The following NLRP2 variants were observed in gnomAD, a reference collection of about 807,000 sequenced individuals.
NLRP2 encodes NLR family pyrin domain containing 2.
Under a neutral mutation model 97.2 loss-of-function variants are expected in NLRP2, and 107 were observed. The observed-to-expected ratio is 1.10, with a 90% CI of 0.94 to 1.29. NLRP2 has a LOEUF of 1.29. Among genes scored for constraint, NLRP2 ranks in the 50% most tolerant of loss-of-function variants. NLRP2 has a pLI of 0.00. For synonymous variants in NLRP2, 663 were observed against 551.5 expected (o/e 1.20, Z -2.83); for missense variants, 1,495 against 1,330.3 (o/e 1.12, Z -1.93).
Position 54,983,715 on chromosome 19 carries a change from G to A in NLRP2, c.2017G>A (p.Ala673Thr), listed in dbSNP as rs148404367. ...PENVTASESD[A>T]EVERSQDDQH... The stretch of plus-strand genomic sequence containing the variant: ...GAATGTCACTGCGTCTGAATCAGAC[G>A]CCGAGGTTGAGAGGTGAGAACCGTT... The change falls in exon 6 of 13, where the codon GCC becomes ACC. Residue 673 changes from alanine (A) to threonine (T), a missense_variant. Physicochemically the swap from Ala to Thr is moderately conservative, Grantham distance 58. Coordinates refer to ENST00000448584, the MANE Select transcript of NLRP2 (RefSeq NM_017852.5). 8.6e-5 allele frequency: 138 copies of A among 1,611,524 alleles called. No individual in the cohort carries two copies. Among genetic ancestry groups the A allele is most frequent in the Non-Finnish European group, 1.1e-4 (134 of 1,179,938 alleles).
Position 54,982,149 on chromosome 19 carries a change from A to T in NLRP2, c.464-13A>T. 6.2e-7 allele frequency: 1 copy of T among 1,613,812 alleles called. No individual in the cohort carries two copies. The highest frequency in any genetic ancestry group is 8.5e-7 in the Non-Finnish European group (1 of 1,179,982). On this transcript the variant is annotated splice_polypyrimidine_tract_variant and intron_variant, in intron 5 of 12. Coordinates refer to ENST00000448584, the MANE Select transcript of NLRP2 (RefSeq NM_017852.5). ...TGCATCCTCTCTCCCTTCCCTCCTC[A>T]CCAATGATAAAGACAAAGACAATAG...
intron 12 of NLRP2, among the ~76,000 whole-genome samples, chr19:55,000,480 G>A (rs538286794): frequency 3.3e-4 from 50 of 150,278 alleles, no homozygotes; most frequent in South Asian, 6.4e-4. Context: ...GGGTTTCACC[G>A]TGTTAGCCAG....
chr19:54,986,013 A>AG, intron 7 of NLRP2, 138 bp from the exon 8 acceptor site: 1 of 710,086 alleles, frequency 1.4e-6, no homozygotes, highest in East Asian at 2.7e-5. Flanking sequence ...AAGAAAAAAA[A>AG]AATCTGTAAA....
At chr19:54,966,126 ACT>A (rs1193516965), upstream of NLRP2, 1 of 151,306 alleles carries the variant, frequency 6.6e-6, no homozygotes, top group Non-Finnish European at 1.5e-5. Context: ...GTTATCTGGG[ACT>A]CTCGAAAGAA....
intron 6 of NLRP2, among the ~76,000 whole-genome samples, chr19:54,984,483 A>ATTTTTTTTTTTTTTTTTTTTTT (rs1568505832): frequency 6.5e-5 from 3 of 46,182 alleles, no homozygotes; most frequent in African/African-American, 1.9e-4. Flanking sequence ...TATATTCCCA[A>ATTTTTTTTTTTTTTTTTTTTTT]TCTTTTTTTT....
rs769319146 is a variant in NLRP2 at position 54,994,257 on chromosome 19, GT to G, written c.2709-10del. 6.2e-7 allele frequency: 1 copy of G among 1,614,048 alleles called. No homozygotes were observed. Among genetic ancestry groups the G allele is most frequent in the African/African-American group, 1.3e-5 (1 of 75,040 alleles). On this transcript the variant is annotated splice_polypyrimidine_tract_variant and intron_variant, in intron 10 of 12. Coordinates refer to ENST00000448584, the MANE Select transcript of NLRP2 (RefSeq NM_017852.5). ...GGTTCGGGTTTGCTTTCTTCCTGTG[GT>G]TGATTTCTAGGCTTTGGAACTGCGA...
chr19:54,982,640 G>T lies in NLRP2; in HGVS notation c.942G>T (p.Val314=). 3 of 1,614,180 alleles carry T rather than the reference G, an allele frequency of 1.9e-6. No homozygotes were observed. Among genetic ancestry groups the T allele is most frequent in the Non-Finnish European group, 2.5e-6 (3 of 1,180,032 alleles). The change falls in exon 6 of 13, where the codon GTG becomes GTT. Residue 314 remains valine, a synonymous_variant. Coordinates refer to ENST00000448584, the MANE Select transcript of NLRP2 (RefSeq NM_017852.5). ...ICGDWEKKKP[V]PVLLGSLLNR... is the part of the protein sequence containing the mutation. ...GGGACTGGGAGAAGAAGAAGCCGGTGCCCGTCCTCCTGGGGAGTTTGCTGA... is the reference window on the plus strand; with the variant it reads ...GGGACTGGGAGAAGAAGAAGCCGGTTCCCGTCCTCCTGGGGAGTTTGCTGA...
chr19:54,969,450 C>T (rs2070701555), intron 1 of NLRP2, among the ~76,000 whole-genome samples: 1 of 145,422 alleles, frequency 6.9e-6, no homozygotes, highest in African/African-American at 2.6e-5. Flanking sequence ...TGCACTCCAG[C>T]CAGGGTGACA....
rs555904875 is a variant in NLRP2, at chr19:54,981,517, T to TCCCCCCCC, written c.398-93_398-92insCCCCCCCC. 139 of 286,846 alleles carry TCCCCCCCC rather than the reference T, an allele frequency of 4.8e-4. 8 individuals carry two copies. The highest frequency in any genetic ancestry group is 8.9e-4 in the South Asian group (35 of 39,548). 17.8% of individuals were successfully genotyped at this position (286,846 alleles called of 1,614,324 possible). A position where few individuals can be genotyped will look rare whatever the true frequency, so the allele number is the denominator to read the frequency against. ...GCTTTATCTGATCCCGTGCCCCCCCTCCCCCCCGCCCCATCAGCCTGCCTC... is the reference window on the plus strand; with the variant it reads ...GCTTTATCTGATCCCGTGCCCCCCCTCCCCCCCCCCCCCCCGCCCCATCAGCCTGCCTC... On this transcript the variant is annotated intron_variant, in intron 4 of 12. Coordinates refer to ENST00000448584, the MANE Select transcript of NLRP2 (RefSeq NM_017852.5).
At chr19:54,987,177 T>C (rs2146479820) in intron 8 of NLRP2, among the ~76,000 whole-genome samples, 1 of 128,772 alleles carries the variant, frequency 7.8e-6, no homozygotes, top group East Asian at 2.6e-4. Context: ...AAGTGAGGCA[T>C]GAGCCACCGT....
At chr19:54,975,270 G>GCCCA (rs1225188247) in intron 3 of NLRP2, among the ~76,000 whole-genome samples, 6,949 of 135,188 alleles carry the variant, frequency 0.051, 357 homozygotes, top group East Asian at 0.17. Context: ...ACAGGCACTT[G>GCCCA]CCACCATGCC....
intron 1 of NLRP2, 42 bp from the exon 2 acceptor site, chr19:54,969,957 A>T: frequency 6.3e-7 from 1 of 1,588,180 alleles, no homozygotes. Context: ...CAGGAGTGCT[A>T]ATCACCATCC....
intron 2 of NLRP2, 69 bp downstream of exon 2, chr19:54,970,364 C>T: frequency 1.3e-6 from 2 of 1,586,950 alleles, no homozygotes; most frequent in Non-Finnish European, 1.7e-6. Flanking sequence ...TTTAGAAATT[C>T]AGAAGGCCAG....
rs532892505 is a variant in NLRP2, at chr19:54,983,087, C to T, written c.1389C>T (p.Ser463=). The stretch of plus-strand genomic sequence containing the variant: ...CGCAGGGCCTGTGGGCGCAGACGTC[C>T]GTGCTTCACCGAGAGGATCTGGAAA... The part of the protein sequence containing the change: ...LAAQGLWAQT[S]VLHREDLERL... Residue 463 remains serine, a synonymous_variant, in exon 6 of 13, where the codon TCC becomes TCT. Transcript: ENST00000448584. The T allele has an allele frequency of 2.3e-4, 370 of 1,613,174 alleles. 1 individual carries two copies. In the African/African-American group the frequency reaches 4.6e-3, roughly 20 times the overall value.
At chr19:54,984,133 A>T (rs2071860840) in intron 6 of NLRP2, among the ~76,000 whole-genome samples, 1 of 151,474 alleles carries the variant, frequency 6.6e-6, no homozygotes, top group African/African-American at 2.4e-5. Flanking sequence ...TACAGGCATG[A>T]TTCACCATGC....
chr19:54,990,904 T>C (rs1369282025), intron 10 of NLRP2: 1 of 586,420 alleles, frequency 1.7e-6, no homozygotes, highest in Non-Finnish European at 3.0e-6. Context: ...TTTCGGGTTT[T>C]TTTTTTCCTC....
intron 6 of NLRP2, among the ~76,000 whole-genome samples, chr19:54,984,329 G>GTGTGTTT: frequency 2.5e-4 from 20 of 79,646 alleles, no homozygotes; most frequent in Admixed American, 1.4e-3. Flanking sequence ...TTTTTTTTGT[G>GTGTGTTT]TTTTTTTTTT....
chr19:54,998,120 G>A (rs181500328), intron 12 of NLRP2, among the ~76,000 whole-genome samples: 25 of 148,966 alleles, frequency 1.7e-4, no homozygotes, highest in Admixed American at 1.4e-3. Flanking sequence ...CCAGGTTCCA[G>A]CTATTCTCAT....
chr19:54,977,352 C>T (rs569389301), intron 3 of NLRP2, among the ~76,000 whole-genome samples: 9 of 151,820 alleles, frequency 5.9e-5, no homozygotes, highest in East Asian at 3.9e-4. Context: ...ACCCAGGAGG[C>T]GGAGGTTGCA....
Sources: allele counts gnomAD v4.1 joint callset (sites outside exome capture counted in the v4.1 genomes callset), GRCh38; gene constraint gnomAD v4.1.1; transcripts MANE v1.5; gene names NCBI Gene and HGNC (gene_info 2026-07-23, HGNC 2026-07-21).